The following RELN variants were observed in gnomAD, a reference collection of about 807,000 sequenced individuals.
RELN encodes reelin.
In RELN, 108 loss-of-function variants were observed where a neutral mutation model predicts 427.6. The observed-to-expected ratio is 0.25, with a 90% CI of 0.22 to 0.30. RELN has a LOEUF of 0.30. Among genes scored for constraint, RELN ranks in the 10% least tolerant of loss-of-function variants. The pLI, the probability that RELN is intolerant of heterozygous loss-of-function variation, is 1.00. For missense variants in RELN, 3,715 were observed against 4,302.8 expected, an observed-to-expected ratio of 0.86 and a Z score of 3.82; for synonymous variants, 1,524 against 1,513.4, an observed-to-expected ratio of 1.01 and a Z score of -0.16.
At chr7:103,691,602 C>A (rs975133324) in intron 10 of RELN, among the ~76,000 whole-genome samples, 1 of 152,052 alleles carries the variant, frequency 6.6e-6, no homozygotes, top group Non-Finnish European at 1.5e-5. Flanking sequence ...CACTTGAGGT[C>A]AGAAGTTCCA....
intron 4 of RELN, among the ~76,000 whole-genome samples, chr7:103,756,926 C>T (rs475880): frequency 0.87 from 131,959 of 152,160 alleles, 57,476 homozygotes; most frequent in African/African-American, 0.97. Context: ...AGTAAAGTAC[C>T]GGGCCTAGAA....
intron 57 of RELN, among the ~76,000 whole-genome samples, chr7:103,495,136 G>A (rs895574595): frequency 3.3e-5 from 5 of 150,866 alleles, no homozygotes; most frequent in African/African-American, 1.2e-4. Context: ...AAGTAATTGC[G>A]GTTTTTGCCA....
At chr7:103,980,138 C>T (rs1180892229) in intron 1 of RELN, among the ~76,000 whole-genome samples, 1 of 139,280 alleles carries the variant, frequency 7.2e-6, no homozygotes, top group African/African-American at 2.7e-5. Flanking sequence ...CCAGCCTGGA[C>T]AACAAGAGCG....
rs573252865 is a variant in RELN, at chr7:103,565,440, T to A, written c.5048A>T (p.Gln1683Leu). The A allele has an allele frequency of 1.9e-5, 30 of 1,613,904 alleles. No homozygotes were observed. The South Asian group carries it at 3.0e-4, about 16-fold the overall frequency. ...GCCATTGTTCAGAGAATACTGGAGC[T>A]GTACACTGTGGGAGTTGCTGAAGGG... ...SKPFSNSHSV[Q>L]LQYSLNNGKD... Residue 1683 changes from glutamine to leucine, a missense_variant, in exon 34 of 65, where the codon CAG becomes CTG. Around this residue, in one of 4 missense-constraint regions of RELN, gnomAD observed 2,208 missense variants for 2,361.7 expected, o/e 0.93. Coordinates refer to ENST00000428762, the MANE Select transcript of RELN (RefSeq NM_005045.4).
intron 64 of RELN, among the ~76,000 whole-genome samples, chr7:103,476,149 T>C (rs1296360050): frequency 6.6e-6 from 1 of 152,140 alleles, no homozygotes; most frequent in Non-Finnish European, 1.5e-5. Context: ...TTGCTATAGA[T>C]GCCTAGTGTT....
intron 4 of RELN, among the ~76,000 whole-genome samples, chr7:103,758,132 T>C (rs1182883269): frequency 6.6e-6 from 1 of 152,174 alleles, no homozygotes; most frequent in East Asian, 1.9e-4. Flanking sequence ...TTAAATCTCA[T>C]TCAGAATAAC....
At chr7:103,657,252 C>T (rs1300287659) in intron 12 of RELN, among the ~76,000 whole-genome samples, 1 of 152,002 alleles carries the variant, frequency 6.6e-6, no homozygotes, top group Non-Finnish European at 1.5e-5. Context: ...CATTTCCTTA[C>T]ATGCTTCAGT....
chr7:103,719,339 G>T (rs1444264947), intron 8 of RELN, among the ~76,000 whole-genome samples: 2 of 152,086 alleles, frequency 1.3e-5, no homozygotes, highest in African/African-American at 2.4e-5. Context: ...GACTTGGGTT[G>T]TTGGCAGGGA....
intron 20 of RELN, among the ~76,000 whole-genome samples, chr7:103,615,915 C>CA (rs1832068725): frequency 6.6e-6 from 1 of 151,966 alleles, no homozygotes; most frequent in Non-Finnish European, 1.5e-5. Context: ...AGCCTCTTTC[C>CA]CATCTCCAGA....
At chr7:103,637,657 T>C (rs1584365612) in intron 17 of RELN, among the ~76,000 whole-genome samples, 2 of 152,176 alleles carry the variant, frequency 1.3e-5, no homozygotes, top group Admixed American at 6.5e-5. Flanking sequence ...AATAAGGGGA[T>C]GAAAGGAAAG....
chr7:103,539,207 C>G lies in RELN; in HGVS notation c.7051G>C (p.Gly2351Arg). Reference protein sequence around the residue: ...GTKMPVCGSTGDALVFIEKAS... With the variant: ...GTKMPVCGSTRDALVFIEKAS... ...TTTTCAATGAAGACCAGGGCATCAC[C>G]AGTAGAGCCACACACGGGCATCTTG... is the stretch of plus-strand genomic sequence containing the variant. Residue 2351 changes from glycine to arginine, a missense_variant, in exon 45 of 65, where the codon GGT (glycine) becomes CGT (arginine). Gly to Arg is a moderately radical substitution (Grantham distance 125). This residue lies in a region of RELN where 1,310 missense variants were observed against 1,643.0 expected (regional missense o/e 0.80). Transcript: ENST00000428762. 6.2e-7 allele frequency: 1 copy of G among 1,614,244 alleles called. No homozygotes were observed. Among genetic ancestry groups the G allele is most frequent in the Non-Finnish European group, 8.5e-7 (1 of 1,180,040 alleles).
rs377357101 is a variant in RELN, at chr7:103,883,050, A to T, written c.337+34025T>A. 1.9e-3 allele frequency among the ~76,000 whole-genome samples: 294 copies of T among 152,348 alleles called. 4 individuals carry two copies. Among genetic ancestry groups the T allele is most frequent in the African/African-American group, 6.6e-3 (275 of 41,584 alleles). ...CAAAAATCCTCAATAAATTATTGAC[A>T]AACCAAATCCAGCAGCACATCAAAA... On this transcript the variant is annotated intron_variant, in intron 2 of 64. Coordinates refer to ENST00000428762, the MANE Select transcript of RELN (RefSeq NM_005045.4).
intron 1 of RELN, among the ~76,000 whole-genome samples, chr7:103,945,424 AT>A (rs1796200889): frequency 1.3e-5 from 2 of 152,272 alleles, no homozygotes; most frequent in South Asian, 4.2e-4. Flanking sequence ...CAACTGTAGT[AT>A]TATTTTGGCC....
chr7:103,475,642 A>AAT (rs1398350500), intron 64 of RELN, among the ~76,000 whole-genome samples: 1 of 152,236 alleles, frequency 6.6e-6, no homozygotes. Flanking sequence ...AAGTTACCTT[A>AAT]ATATATGGGA....
chr7:103,572,625 C>CTCTTGGGCCCAAGCGAT, intron 30 of RELN, among the ~76,000 whole-genome samples: 1 of 151,730 alleles, frequency 6.6e-6, no homozygotes, highest in East Asian at 2.0e-4. Context: ...CAAGCTCCGC[C>CTCTTGGGCCCAAGCGAT]CCCCAGGTTC....
chr7:103,856,736 C>G (rs1563054037), intron 2 of RELN, among the ~76,000 whole-genome samples: 1 of 152,030 alleles, frequency 6.6e-6, no homozygotes, highest in Non-Finnish European at 1.5e-5. Context: ...TGCTGCAGGA[C>G]ACTTATTCCT....
chr7:103,733,126 G>C (rs955908058), intron 6 of RELN, among the ~76,000 whole-genome samples: 2 of 152,026 alleles, frequency 1.3e-5, no homozygotes, highest in African/African-American at 4.8e-5. Context: ...AAAAGTGGGC[G>C]AAGGACATGA....
In RELN at chr7:103,722,847, T is replaced by G. The variant is rs531437467; in HGVS notation, c.805+293A>C. Among the ~76,000 whole-genome samples, 3 of 152,314 alleles carry G rather than the reference T, an allele frequency of 2.0e-5. No homozygotes were observed. The East Asian group carries it at 5.8e-4, about 29-fold the overall frequency. ...CAAAACACAACCAGCAAGGTAATCC[T>G]GCTGTAATAGAATAAGCCAATGTAT... On this transcript the variant is annotated intron_variant, in intron 8 of 64. Coordinates refer to ENST00000428762, the MANE Select transcript of RELN (RefSeq NM_005045.4).
intron 2 of RELN, among the ~76,000 whole-genome samples, chr7:103,906,258 A>C (rs1397436144): frequency 6.6e-6 from 1 of 152,068 alleles, no homozygotes; most frequent in Non-Finnish European, 1.5e-5. Context: ...CTCAGTCTGA[A>C]TTACAGCTCT....
Sources: gnomAD v4.1 joint callset for allele counts (sites outside exome capture counted in the v4.1 genomes callset) on GRCh38, gnomAD v4.1.1 for gene constraint, gnomAD v4.1.1 regional missense constraint, MANE v1.5 for transcripts, NCBI Gene and HGNC (gene_info 2026-07-23, HGNC 2026-07-21) for gene names.